Variants in TLR4 observed in about 807,000 individuals in gnomAD.
TLR4 encodes the protein toll-like receptor 4.
In TLR4, 17 loss-of-function variants were observed where a neutral mutation model predicts 27.4. The ratio of observed to expected loss-of-function variants is 0.62; its 90% CI spans 0.42 to 0.93. TLR4 has a LOEUF of 0.93. TLR4 is among the 40% of genes least tolerant of loss of function. The pLI is 0.00. For missense variants in TLR4, 926 were observed against 962.3 expected (o/e 0.96, Z 0.50); for synonymous variants, 363 against 365.7 (o/e 0.99, Z 0.08).
In TLR4 at chr9:117,718,466, C is replaced by T. The variant is rs1158777124; in HGVS notation, c.*3818C>T. 3 of 151,826 alleles carry T rather than the reference C, an allele frequency of 2.0e-5. No homozygotes were observed. Among genetic ancestry groups the T allele is most frequent in the African/African-American group, 7.3e-5 (3 of 41,336 alleles). 9.4% of individuals were successfully genotyped at this position (151,826 alleles called of 1,614,324 possible). A position where few individuals can be genotyped will look rare whatever the true frequency, so the allele number is the denominator to read the frequency against. On this transcript the variant is annotated 3_prime_UTR_variant, in exon 3 of 3. Coordinates refer to ENST00000355622, the MANE Select transcript of TLR4 (RefSeq NM_138554.5). ...AGGATATGTGAACAATAGGGTTAAT[C>T]AATAATAAGTAGAAAATCTGGACAT...
intron 1 of TLR4, among the ~76,000 whole-genome samples, chr9:117,707,287 C>A (rs923390236): frequency 6.6e-6 from 1 of 152,102 alleles, no homozygotes; most frequent in Non-Finnish European, 1.5e-5. Context: ...TCTGACTTTG[C>A]GCATATTACT....
rs1829446706 is a variant in TLR4, at chr9:117,723,640, T to C, written c.*8992T>C. 1 of 152,178 alleles carries C rather than the reference T, an allele frequency of 6.6e-6. No individual in the cohort carries two copies. The highest frequency in any genetic ancestry group is 1.5e-5 in the Non-Finnish European group (1 of 68,028). The allele number at this position is 152,178 out of a possible 1,614,324, so 9.4% of individuals were successfully genotyped here. ...AAGGAGGAGTTTCTCTTTTGCCCCA[T>C]GTTATAAACTCAAGAATATCTTCCA... On this transcript the variant is annotated 3_prime_UTR_variant, in exon 3 of 3. Transcript: ENST00000355622.
In TLR4 at chr9:117,714,069, A is replaced by G. The variant is rs200502578; in HGVS notation, c.1941A>G (p.Val647=). 2 of 1,614,026 alleles carry G rather than the reference A, an allele frequency of 1.2e-6. No homozygotes were observed. The highest frequency in any genetic ancestry group is 1.1e-5 in the South Asian group (1 of 91,084). The part of the protein sequence containing the change: ...SVLSVLVVSV[V]AVLVYKFYFH... ...TCAGTGTGCTTGTAGTATCTGTTGTAGCAGTTCTGGTCTATAAGTTCTATT... is the reference window on the plus strand; with the variant it reads ...TCAGTGTGCTTGTAGTATCTGTTGTGGCAGTTCTGGTCTATAAGTTCTATT... The change falls in exon 3 of 3, where the codon GTA becomes GTG. Residue 647 remains valine, a synonymous_variant. Transcript: ENST00000355622.
rs1364584995 is a variant in TLR4, at chr9:117,723,099, T to A, written c.*8451T>A. 1 of 152,202 alleles carries A rather than the reference T, an allele frequency of 6.6e-6. No homozygotes were observed. Among genetic ancestry groups the A allele is most frequent in the East Asian group, 1.9e-4 (1 of 5,186 alleles). 9.4% of individuals were successfully genotyped at this position (152,202 alleles called of 1,614,324 possible). Reference sequence around the variant, plus strand: ...GCCAGCTCTCTGACATTCTAGCATGTTCACATCTCCAGGGCTGTTTCCTTA... The same window carrying A: ...GCCAGCTCTCTGACATTCTAGCATGATCACATCTCCAGGGCTGTTTCCTTA... On this transcript the variant is annotated 3_prime_UTR_variant, in exon 3 of 3. Coordinates refer to ENST00000355622, the MANE Select transcript of TLR4 (RefSeq NM_138554.5).
rs2131178198 is a variant in TLR4 at position 117,717,916 on chromosome 9, TAA to T, written c.*3270_*3271del. On this transcript the variant is annotated 3_prime_UTR_variant, in exon 3 of 3. Transcript: ENST00000355622. ...CATAGAACAGAAGGAGAAGAAAGAGTAAAGTCAGGCCTCAGCCAGCCTCTTTT... is the reference window on the plus strand; with the variant it reads ...CATAGAACAGAAGGAGAAGAAAGAGTAGTCAGGCCTCAGCCAGCCTCTTTT... 1 of 151,968 alleles carries T rather than the reference TAA, an allele frequency of 6.6e-6. No homozygotes were observed. Among genetic ancestry groups the T allele is most frequent in the South Asian group, 2.1e-4 (1 of 4,808 alleles). 9.4% of individuals were successfully genotyped at this position (151,968 alleles called of 1,614,324 possible). A position where few individuals can be genotyped will look rare whatever the true frequency, so the allele number is the denominator to read the frequency against.
chr9:117,710,444 C>G (rs1326383503), intron 2 of TLR4, among the ~76,000 whole-genome samples: 3 of 150,966 alleles, frequency 2.0e-5, no homozygotes, highest in African/African-American at 7.3e-5. Context: ...AGGTAGACCA[C>G]CTCTCCCTTT....
In TLR4 at chr9:117,708,573, A is replaced by G. The variant is rs1829176377; in HGVS notation, c.104A>G (p.Asn35Ser). The change falls in exon 2 of 3, where the codon AAT becomes AGT. Residue 35 changes from asparagine (N) to serine (S), a missense_variant. Transcript: ENST00000355622. ...SWEPCVEVVPNITYQCMELNF... is the reference protein window; with the variant it reads ...SWEPCVEVVPSITYQCMELNF... ...GTGTAATCATTGCAGGTGGTTCCTA[A>G]TATTACTTATCAATGCATGGAGCTG... is the stretch of plus-strand genomic sequence containing the variant. 6.2e-7 allele frequency: 1 copy of G among 1,613,684 alleles called. No individual in the cohort carries two copies. The highest frequency in any genetic ancestry group is 1.3e-5 in the African/African-American group (1 of 74,888).
At chr9:117,704,612 C>T in intron 1 of TLR4, 47 bp downstream of exon 1, 1 of 1,515,520 alleles carries the variant, frequency 6.6e-7, no homozygotes, top group Non-Finnish European at 9.2e-7. Context: ...CACTTCTGCC[C>T]AGAACTTCTC....
In TLR4 at chr9:117,713,959, A is replaced by G. The variant is rs763158849; in HGVS notation, c.1831A>G (p.Thr611Ala). 3 of 1,614,038 alleles carry G rather than the reference A, an allele frequency of 1.9e-6. No individual in the cohort carries two copies. In the East Asian group the frequency reaches 6.7e-5, roughly 36 times the overall value. Residue 611 changes from threonine to alanine, a missense_variant, in exon 3 of 3, where the codon ACA becomes GCA. Physicochemically the swap from Thr to Ala is moderately conservative, Grantham distance 58. Transcript: ENST00000355622. ...GGAAGTTGAACGAATGGAATGTGCA[A>G]CACCTTCAGATAAGCAGGGCATGCC... ...LVEVERMECA[T>A]PSDKQGMPVL...
chr9:117,713,266 C>T lies in TLR4; in HGVS notation c.1138C>T (p.Leu380Phe). The change falls in exon 3 of 3, where the codon CTC becomes TTC. Residue 380 changes from leucine (L) to phenylalanine (F), a missense_variant. Physicochemically the swap from Leu to Phe is conservative, Grantham distance 22. Coordinates refer to ENST00000355622, the MANE Select transcript of TLR4 (RefSeq NM_138554.5). ...VDLPSLEFLDLSRNGLSFKGC... is the reference protein window; with the variant it reads ...VDLPSLEFLDFSRNGLSFKGC... ...TCTACCAAGCCTTGAGTTTCTAGATCTCAGTAGAAATGGCTTGAGTTTCAA... is the reference window on the plus strand; with the variant it reads ...TCTACCAAGCCTTGAGTTTCTAGATTTCAGTAGAAATGGCTTGAGTTTCAA... 1.2e-6 allele frequency: 2 copies of T among 1,614,024 alleles called. No individual in the cohort carries two copies. The highest frequency in any genetic ancestry group is 2.2e-5 in the East Asian group (1 of 44,858).
Position 117,723,698 on chromosome 9 carries a change from A to C in TLR4, c.*9050A>C, listed in dbSNP as rs756156248. The C allele has an allele frequency of 2.6e-5, 4 of 152,194 alleles. No individual in the cohort carries two copies. Among genetic ancestry groups the C allele is most frequent in the Non-Finnish European group, 4.4e-5 (3 of 68,010 alleles). 9.4% of individuals were successfully genotyped at this position (152,194 alleles called of 1,614,324 possible). On this transcript the variant is annotated 3_prime_UTR_variant, in exon 3 of 3. Coordinates refer to ENST00000355622, the MANE Select transcript of TLR4 (RefSeq NM_138554.5). ...TACATATTCCAAAAGCTTTTAAATT[A>C]AGCTATATGTCATTCTTACAGGAGT...
In TLR4 at chr9:117,720,390, C is replaced by T. The variant is rs189952475; in HGVS notation, c.*5742C>T. ...AGTTTAAAAGGCAGAGTCTGCAACT[C>T]TCCTTGATTTCTACAGAAATAAAGA... On this transcript the variant is annotated 3_prime_UTR_variant, in exon 3 of 3. Coordinates refer to ENST00000355622, the MANE Select transcript of TLR4 (RefSeq NM_138554.5). 1 of 152,322 alleles carries T rather than the reference C, an allele frequency of 6.6e-6. No homozygotes were observed. The highest frequency in any genetic ancestry group is 6.5e-5 in the Admixed American group (1 of 15,288). The allele number at this position is 152,322 out of a possible 1,614,324, so 9.4% of individuals were successfully genotyped here.
chr9:117,704,650 GCA>G, intron 1 of TLR4, 85 bp downstream of exon 1: 1 of 1,057,736 alleles, frequency 9.5e-7, no homozygotes, highest in South Asian at 1.4e-5. Flanking sequence ...GTTTATTTTT[GCA>G]AAAAAAAAAA....
At position 117,714,632 on chromosome 9, in the gene TLR4, A is replaced by G. The variant is rs1588095802; in HGVS notation, c.2504A>G (p.Glu835Gly). ...GTGGGTACAGGATGCAATTGGCAGGAAGCAACATCTATCTGAAGAGGAAAA... is the reference window on the plus strand; with the variant it reads ...GTGGGTACAGGATGCAATTGGCAGGGAGCAACATCTATCTGAAGAGGAAAA... ...GTVGTGCNWQ[E>G]ATSI Residue 835 changes from glutamate to glycine, a missense_variant, in exon 3 of 3, where the codon GAA (glutamate) becomes GGA (glycine). Coordinates refer to ENST00000355622, the MANE Select transcript of TLR4 (RefSeq NM_138554.5). The G allele has an allele frequency of 6.2e-7, 1 of 1,613,072 alleles. No individual in the cohort carries two copies. Among genetic ancestry groups the G allele is most frequent in the Non-Finnish European group, 8.5e-7 (1 of 1,179,970 alleles).
rs1031105049 is a variant in TLR4, at chr9:117,724,427, C to G, written c.*9779C>G. ...TGCTTAGTAAGTCTTGTCTTTCTCTCTGCTTTGACCTGTCAGTATTCCAAC... is the reference window on the plus strand; with the variant it reads ...TGCTTAGTAAGTCTTGTCTTTCTCTGTGCTTTGACCTGTCAGTATTCCAAC... On this transcript the variant is annotated 3_prime_UTR_variant, in exon 3 of 3. Transcript: ENST00000355622. 8 of 152,218 alleles carry G rather than the reference C, an allele frequency of 5.3e-5. No homozygotes were observed. The highest frequency in any genetic ancestry group is 2.6e-4 in the Admixed American group (4 of 15,276). 9.4% of individuals were successfully genotyped at this position (152,218 alleles called of 1,614,324 possible).
chr9:117,709,723 A>G (rs1021147381), intron 2 of TLR4, among the ~76,000 whole-genome samples: 4 of 152,162 alleles, frequency 2.6e-5, no homozygotes, highest in Non-Finnish European at 5.9e-5. Flanking sequence ...TTTAGAGCAG[A>G]CATTTCTGTA....
Position 117,712,723 on chromosome 9 carries a change from C to T in TLR4, c.595C>T (p.His199Tyr). The T allele has an allele frequency of 6.2e-7, 1 of 1,614,090 alleles. No homozygotes were observed. The highest frequency in any genetic ancestry group is 1.6e-4 in the Middle Eastern group (1 of 6,062). ...TTATTGCACAGACTTGCGGGTTCTACATCAAATGCCCCTACTCAATCTCTC... is the reference window on the plus strand; with the variant it reads ...TTATTGCACAGACTTGCGGGTTCTATATCAAATGCCCCTACTCAATCTCTC... ...SIYCTDLRVL[H>Y]QMPLLNLSLD... is the part of the protein sequence containing the mutation. Residue 199 changes from histidine to tyrosine, a missense_variant, in exon 3 of 3, where the codon CAT (histidine) becomes TAT (tyrosine). Physicochemically the swap from His to Tyr is moderately conservative, Grantham distance 83. Transcript: ENST00000355622.
In TLR4 at chr9:117,718,715, A is replaced by T. The variant is rs75073046; in HGVS notation, c.*4067A>T. 6.6e-6 allele frequency: 1 copy of T among 152,330 alleles called. No individual in the cohort carries two copies. Among genetic ancestry groups the T allele is most frequent in the African/African-American group, 2.4e-5 (1 of 41,576 alleles). 9.4% of individuals were successfully genotyped at this position (152,330 alleles called of 1,614,324 possible). A position where few individuals can be genotyped will look rare whatever the true frequency, so the allele number is the denominator to read the frequency against. On this transcript the variant is annotated 3_prime_UTR_variant, in exon 3 of 3. Coordinates refer to ENST00000355622, the MANE Select transcript of TLR4 (RefSeq NM_138554.5). ...AAGGTTGCTCTAAGGATTGAAAATC[A>T]TGTATTATGTTCAATACGGGGACAC...
rs1279600339 is a variant in TLR4 at position 117,721,010 on chromosome 9, A to G, written c.*6362A>G. The G allele has an allele frequency of 6.6e-6, 1 of 152,110 alleles. No homozygotes were observed. Among genetic ancestry groups the G allele is most frequent in the Non-Finnish European group, 1.5e-5 (1 of 68,034 alleles). The allele number at this position is 152,110 out of a possible 1,614,324, so 9.4% of individuals were successfully genotyped here. ...GTTAAAAAAACTATTTAAAAAAAAG[A>G]CAACTTCATGTCTCTACTCTGACTT... On this transcript the variant is annotated 3_prime_UTR_variant, in exon 3 of 3. Coordinates refer to ENST00000355622, the MANE Select transcript of TLR4 (RefSeq NM_138554.5).
Sources: gnomAD v4.1 joint callset for allele counts (sites outside exome capture counted in the v4.1 genomes callset) on GRCh38, gnomAD v4.1.1 for gene constraint, MANE v1.5 for transcripts, NCBI Gene and HGNC (gene_info 2026-07-23, HGNC 2026-07-21) for gene names.